Variants in PARD3B observed in about 807,000 individuals in gnomAD.
PARD3B encodes par-3 family cell polarity regulator beta.
PARD3B carries 103 observed loss-of-function variants against 130.2 expected under a neutral mutation model. That is an observed-to-expected ratio of 0.79 (90% confidence interval 0.67 to 0.93). The LOEUF (loss-of-function observed/expected upper bound fraction) is 0.93. PARD3B is among the 40% of genes least tolerant of loss of function. The pLI is 0.00. For missense variants in PARD3B, 1,609 were observed against 1,499.2 expected (o/e 1.07, Z -1.21); for synonymous variants, 583 against 553.2 (o/e 1.05, Z -0.76).
In PARD3B at chr2:205,107,446, A is replaced by G. The variant is rs575315900; in HGVS notation, c.593+2932A>G. ...TAGATTATTGTGAAGATTAAATGAG[A>G]TATAGTACAGACAACCGACTTAGCA... On this transcript the variant is annotated intron_variant, in intron 5 of 22. Coordinates refer to ENST00000406610, the MANE Select transcript of PARD3B (RefSeq NM_001302769.2). Among the ~76,000 whole-genome samples the G allele has an allele frequency of 1.2e-4, 18 of 152,342 alleles. No individual in the cohort carries two copies. In the South Asian group the frequency reaches 3.3e-3, roughly 28 times the overall value.
At chr2:204,948,017 C>T (rs1201731187) in intron 2 of PARD3B, among the ~76,000 whole-genome samples, 1 of 152,178 alleles carries the variant, frequency 6.6e-6, no homozygotes, top group Non-Finnish European at 1.5e-5. Flanking sequence ...CTGTATCTTG[C>T]TATGTTTGCA....
At chr2:205,529,478 T>TA (rs1488302292) in intron 21 of PARD3B, among the ~76,000 whole-genome samples, 1 of 152,200 alleles carries the variant, frequency 6.6e-6, no homozygotes, top group East Asian at 1.9e-4. Context: ...TAGGAATCAC[T>TA]AGGCCTTTCA....
intron 18 of PARD3B, among the ~76,000 whole-genome samples, chr2:205,338,428 A>G (rs139082255): frequency 6.6e-6 from 1 of 152,326 alleles, no homozygotes; most frequent in East Asian, 1.9e-4. Flanking sequence ...GGAGAATATT[A>G]CCATGGGAAA....
At chr2:204,910,342 G>A (rs1172992991) in intron 2 of PARD3B, among the ~76,000 whole-genome samples, 1 of 152,134 alleles carries the variant, frequency 6.6e-6, no homozygotes, top group Non-Finnish European at 1.5e-5. Context: ...AGAACAGACT[G>A]TTTTTTGTAG....
chr2:204,859,485 C>T (rs2045097482), intron 2 of PARD3B, among the ~76,000 whole-genome samples: 1 of 152,158 alleles, frequency 6.6e-6, no homozygotes, highest in South Asian at 2.1e-4. Flanking sequence ...CTATGGTGTA[C>T]ATTGCTATCT....
chr2:205,163,445 A>G (rs1245810522), intron 11 of PARD3B, among the ~76,000 whole-genome samples: 1 of 152,360 alleles, frequency 6.6e-6, no homozygotes, highest in South Asian at 2.1e-4. Flanking sequence ...TGAAATAGAC[A>G]TAATTGAAGT....
In PARD3B at chr2:205,105,156, C is replaced by G. The variant is rs1293640127; in HGVS notation, c.593+642C>G. Among the ~76,000 whole-genome samples, 1 of 152,086 alleles carries G rather than the reference C, an allele frequency of 6.6e-6. No individual in the cohort carries two copies. The highest frequency in any genetic ancestry group is 1.5e-5 in the Non-Finnish European group (1 of 68,024). On this transcript the variant is annotated intron_variant, in intron 5 of 22. Transcript: ENST00000406610. The surrounding 1 kb of genome is among the most constrained non-coding windows in gnomAD (Gnocchi z 4.0). ...GAGCTTAGACAAGTTACTCATTTCT[C>G]TTTCTCTTAGTTTCTAGTCTGTAGA...
intron 6 of PARD3B, among the ~76,000 whole-genome samples, chr2:205,118,465 CTT>C (rs2030187780): frequency 1.3e-5 from 2 of 152,154 alleles, no homozygotes; most frequent in Non-Finnish European, 2.9e-5. Flanking sequence ...TTAAATGTTT[CTT>C]TACTTCTTAA....
At chr2:205,545,114 C>T (rs1275081150) in intron 21 of PARD3B, among the ~76,000 whole-genome samples, 4 of 152,208 alleles carry the variant, frequency 2.6e-5, no homozygotes, top group African/African-American at 4.8e-5. Context: ...TGTGTTCTTT[C>T]GCCTCTCTGG....
At chr2:204,940,877 C>G (rs963843254) in intron 2 of PARD3B, among the ~76,000 whole-genome samples, 3 of 151,514 alleles carry the variant, frequency 2.0e-5, no homozygotes, top group Non-Finnish European at 4.4e-5. Context: ...GTGTCCTTAG[C>G]CTAAGGAGCT....
chr2:205,136,273 G>A (rs181072592), intron 10 of PARD3B, among the ~76,000 whole-genome samples: 9 of 151,718 alleles, frequency 5.9e-5, no homozygotes, highest in Admixed American at 3.9e-4. Flanking sequence ...ACCTCCCATC[G>A]TACCTTTCTG....
intron 2 of PARD3B, among the ~76,000 whole-genome samples, chr2:204,695,308 A>G (rs2037559196): frequency 1.3e-5 from 2 of 151,904 alleles, no homozygotes; most frequent in African/African-American, 4.8e-5. Context: ...ACGAATTACA[A>G]TCTCATTGTA....
chr2:205,554,169 C>T (rs551889232), intron 22 of PARD3B, among the ~76,000 whole-genome samples: 175 of 152,216 alleles, frequency 1.1e-3, no homozygotes, highest in African/African-American at 3.8e-3. Flanking sequence ...AAAAGAGAAA[C>T]AAAGTAAGGT....
At chr2:204,999,763 C>T (rs921029486) in intron 3 of PARD3B, among the ~76,000 whole-genome samples, 1 of 152,176 alleles carries the variant, frequency 6.6e-6, no homozygotes, top group African/African-American at 2.4e-5. Flanking sequence ...GAGAACTACC[C>T]AATTTACTTC....
chr2:204,925,829 C>G lies in PARD3B; in HGVS notation c.223-39323C>G, dbSNP rs1313726402. On this transcript the variant is annotated intron_variant, in intron 2 of 22. Coordinates refer to ENST00000406610, the MANE Select transcript of PARD3B (RefSeq NM_001302769.2). ...GGAACCCAGTGGATGGTCATTAGAT[C>G]ATGGGGGCATTTTCCCCTGTGCTGT... 2.6e-5 allele frequency among the ~76,000 whole-genome samples: 4 copies of G among 152,182 alleles called. 1 individual carries two copies. Among genetic ancestry groups the G allele is most frequent in the African/African-American group, 9.6e-5 (4 of 41,528 alleles).
intron 2 of PARD3B, among the ~76,000 whole-genome samples, chr2:204,893,206 T>C (rs1422795737): frequency 6.6e-6 from 1 of 152,182 alleles, no homozygotes; most frequent in Non-Finnish European, 1.5e-5. Context: ...AGCTGTAAGA[T>C]GAGTAAGATG....
rs2125190699 is a variant in PARD3B, at chr2:204,664,427, C to T, written c.121-21754C>T. On this transcript the variant is annotated intron_variant, in intron 1 of 22. Coordinates refer to ENST00000406610, the MANE Select transcript of PARD3B (RefSeq NM_001302769.2). The surrounding 1 kb of genome is among the most constrained non-coding windows in gnomAD (Gnocchi z 5.2). Reference sequence around the variant, plus strand: ...AACATAAAGCAAATAAAATTTTTGCCAGACGGGGCATAACTAAATGCTTAC... The same window carrying T: ...AACATAAAGCAAATAAAATTTTTGCTAGACGGGGCATAACTAAATGCTTAC... 6.6e-6 allele frequency among the ~76,000 whole-genome samples: 1 copy of T among 152,250 alleles called. No individual in the cohort carries two copies. Among genetic ancestry groups the T allele is most frequent in the South Asian group, 2.1e-4 (1 of 4,828 alleles).
intron 22 of PARD3B, among the ~76,000 whole-genome samples, chr2:205,599,938 T>C (rs994262812): frequency 1.3e-5 from 2 of 152,178 alleles, no homozygotes; most frequent in African/African-American, 2.4e-5. Context: ...ATTACCATGC[T>C]TTCATCCGAG....
At position 205,590,497 on chromosome 2, in the gene PARD3B, T is replaced by C. The variant is rs573778971; in HGVS notation, c.3261-24959T>C. 2.6e-5 allele frequency among the ~76,000 whole-genome samples: 4 copies of C among 152,302 alleles called. No individual in the cohort carries two copies. Among genetic ancestry groups the C allele is most frequent in the African/African-American group, 9.6e-5 (4 of 41,576 alleles). On this transcript the variant is annotated intron_variant, in intron 22 of 22. Coordinates refer to ENST00000406610, the MANE Select transcript of PARD3B (RefSeq NM_001302769.2). The surrounding 1 kb of genome is among the most constrained non-coding windows in gnomAD (Gnocchi z 4.1). ...GCGGTATGTTTTTAACCATACACAATCACTGTGCCCGAGGGGATGGAACGT... is the reference window on the plus strand; with the variant it reads ...GCGGTATGTTTTTAACCATACACAACCACTGTGCCCGAGGGGATGGAACGT...
Sources: gnomAD v4.1 joint callset for allele counts (sites outside exome capture counted in the v4.1 genomes callset) on GRCh38, gnomAD v4.1.1 for gene constraint, Gnocchi (gnomAD v3.1) non-coding constraint, MANE v1.5 for transcripts, NCBI Gene and HGNC (gene_info 2026-07-23, HGNC 2026-07-21) for gene names.